Variants in DNASE1 observed in about 807,000 individuals in gnomAD.
The protein encoded by DNASE1 is deoxyribonuclease-1.
A neutral mutation model predicts 33.9 loss-of-function variants in DNASE1; 40 were observed. The ratio of observed to expected loss-of-function variants is 1.18; its 90% confidence interval spans 0.92 to 1.54. The LOEUF is 1.54. Among genes scored for constraint, DNASE1 ranks in the 40% most tolerant of loss-of-function variants. DNASE1 has a pLI of 0.00. For missense variants in DNASE1, 518 were observed against 372.6 expected (o/e 1.39, Z -3.21); for synonymous variants, 216 against 160.0 (o/e 1.35, Z -2.64).
At chr16:3,616,220 G>C (rs539498421) in intron 1 of DNASE1, among the ~76,000 whole-genome samples, 1 of 152,128 alleles carries the variant, frequency 6.6e-6, no homozygotes, top group African/African-American at 2.4e-5. Context: ...TTTAAGGGAG[G>C]TTTCAGACAG....
intron 1 of DNASE1, among the ~76,000 whole-genome samples, chr16:3,634,542 G>T (rs1223224099): frequency 6.6e-6 from 1 of 151,858 alleles, no homozygotes; most frequent in African/African-American, 2.4e-5. Flanking sequence ...CAGGGTCTTG[G>T]TCTGTCGTCC....
chr16:3,637,960 C>T (rs988960617), upstream of DNASE1, among the ~76,000 whole-genome samples: 3 of 152,166 alleles, frequency 2.0e-5, no homozygotes, highest in Admixed American at 1.3e-4. Context: ...GGTTGTTTGC[C>T]AGTTCAGTGT....
At chr16:3,650,617 A>AAAG, upstream of DNASE1, 1 of 147,412 alleles carries the variant, frequency 6.8e-6, no homozygotes, top group South Asian at 2.2e-4. Flanking sequence ...AAAAAAAAAA[A>AAAG]AAAGAAAAGA....
Position 3,621,356 on chromosome 16 carries a change from C to T in DNASE1, c.-1359+9350C>T, listed in dbSNP as rs781007507. Among the ~76,000 whole-genome samples the T allele has an allele frequency of 4.6e-5, 7 of 152,192 alleles. No individual in the cohort carries two copies. The East Asian group carries it at 5.8e-4, about 13-fold the overall frequency. On this transcript the variant is annotated intron_variant and NMD_transcript_variant, in intron 1 of 11. Transcript: ENST00000570769. ...CCTGCCTCCAAAAGTGCTGGGTTTA[C>T]AGGTATGAGCCATTGCTCTTGCCTG...
intron 1 of DNASE1, among the ~76,000 whole-genome samples, chr16:3,644,583 A>G (rs144949418): frequency 1.3e-5 from 2 of 152,128 alleles, no homozygotes; most frequent in Non-Finnish European, 2.9e-5. Flanking sequence ...AGATTTTACA[A>G]AATTAGCCGG....
At chr16:3,628,266 A>G (rs2041583767) in intron 1 of DNASE1, among the ~76,000 whole-genome samples, 1 of 152,076 alleles carries the variant, frequency 6.6e-6, no homozygotes, top group South Asian at 2.1e-4. Flanking sequence ...AGAAATGCAA[A>G]TGATTTTTGT....
At chr16:3,638,486 C>T (rs540082870), upstream of DNASE1, among the ~76,000 whole-genome samples, 47 of 152,212 alleles carry the variant, frequency 3.1e-4, no homozygotes, top group Non-Finnish European at 5.7e-4. Flanking sequence ...TACAGGCGCC[C>T]GCCACCACAC....
chr16:3,659,749 T>TTTAGATAGACAGA (rs1272532360), downstream of DNASE1: 2 of 140,244 alleles, frequency 1.4e-5, no homozygotes, highest in Non-Finnish European at 3.2e-5. Flanking sequence ...ACTTTTTTTT[T>TTTAGATAGACAGA]TAGATAGATA....
At chr16:3,663,516 AG>A (rs762922223) in exon 10 of DNASE1, 4 of 1,614,088 alleles carry the variant, frequency 2.5e-6, no homozygotes, top group Admixed American at 1.7e-5. Flanking sequence ...AAACTCACGA[AG>A]GTGCAGCAGG....
At chr16:3,658,390 G>A, downstream of DNASE1, 1 of 655,816 alleles carries the variant, frequency 1.5e-6, no homozygotes. Flanking sequence ...AAAGTGCTGG[G>A]ATTACAGGCG....
At chr16:3,663,726 G>A in exon 10 of DNASE1, 4 of 799,528 alleles carry the variant, frequency 5.0e-6, no homozygotes, top group Non-Finnish European at 7.7e-6. Context: ...TACGACACCT[G>A]GGTCTAAGGA....
At chr16:3,660,689 C>T (rs528799501), downstream of DNASE1, 89 of 152,262 alleles carry the variant, frequency 5.8e-4, no homozygotes, top group African/African-American at 1.9e-3. Context: ...GATGCATCTC[C>T]CTCGCCTCCA....
In DNASE1 at chr16:3,657,228, T is replaced by C. The variant is rs1409291384; in HGVS notation, c.591T>C (p.Tyr197=). The C allele has an allele frequency of 2.5e-6, 4 of 1,613,920 alleles. No homozygotes were observed. Among genetic ancestry groups the C allele is most frequent in the South Asian group, 1.1e-5 (1 of 91,090 alleles). Residue 197 remains tyrosine, a synonymous_variant, in exon 7 of 9, where the codon TAT becomes TAC. Coordinates refer to ENST00000246949, the MANE Select transcript of DNASE1 (RefSeq NM_005223.4). ...GCGACTTCAATGCGGGCTGCAGCTA[T>C]GTGAGACCCTCCCAGTGGTCATCCA... The part of the protein sequence containing the change: ...LMGDFNAGCS[Y]VRPSQWSSIR...
rs1376041405 is a variant in DNASE1 at position 3,664,336 on chromosome 16, G to A, written c.*6383G>A. 2.5e-6 allele frequency: 4 copies of A among 1,612,914 alleles called. No homozygotes were observed. Among genetic ancestry groups the A allele is most frequent in the Non-Finnish European group, 3.4e-6 (4 of 1,179,632 alleles). On this transcript the variant is annotated 3_prime_UTR_variant, in exon 10 of 10. Coordinates refer to the DNASE1 transcript ENST00000407479. Reference sequence around the variant, plus strand: ...GAGTGCTCTGCCAGGTGACGGTTGGGGGCGCACAGGTAGTAGATGTTGCGG... The same window carrying A: ...GAGTGCTCTGCCAGGTGACGGTTGGAGGCGCACAGGTAGTAGATGTTGCGG...
downstream of DNASE1, chr16:3,662,088 C>T (rs906258460): frequency 3.1e-6 from 5 of 1,613,334 alleles, no homozygotes; most frequent in Non-Finnish European, 4.2e-6. Context: ...CCCCCATCTC[C>T]AGCACGGTGA....
Position 3,658,023 on chromosome 16 carries a change from A to G in DNASE1, c.*70A>G. ...ATCCTGCCACAGGACCCAGAAAAAA[A>G]GCCCAACACACACTCGGGTTAAGAA... On this transcript the variant is annotated 3_prime_UTR_variant, in exon 9 of 9. Transcript: ENST00000246949. 6.2e-7 allele frequency: 1 copy of G among 1,610,808 alleles called. No homozygotes were observed. The highest frequency in any genetic ancestry group is 8.5e-7 in the Non-Finnish European group (1 of 1,178,170).
upstream of DNASE1, chr16:3,653,144 A>T (rs185968354): frequency 1.3e-5 from 2 of 152,330 alleles, no homozygotes; most frequent in East Asian, 3.9e-4. Context: ...GCAGGTGCAC[A>T]GATCTTAAGA....
chr16:3,641,116 G>T (rs968489027), upstream of DNASE1: 3 of 396,652 alleles, frequency 7.6e-6, no homozygotes, highest in Non-Finnish European at 1.3e-5. Flanking sequence ...CTGTGGCAGG[G>T]TGGCTAGTGG....
Position 3,656,093 on chromosome 16 carries a change from TC to T in DNASE1, c.237-8del. 1 of 1,614,030 alleles carries T rather than the reference TC, an allele frequency of 6.2e-7. No homozygotes were observed. Among genetic ancestry groups the T allele is most frequent in the Non-Finnish European group, 8.5e-7 (1 of 1,179,992 alleles). On this transcript the variant is annotated splice_region_variant and splice_polypyrimidine_tract_variant and intron_variant, in intron 3 of 8. Transcript: ENST00000246949. ...CCCGCCACTGGGACCTTTTGTTTCT[TC>T]AATCCAGGGATGCACCAGACACCTA...
Sources: allele counts gnomAD v4.1 joint callset (sites outside exome capture counted in the v4.1 genomes callset), GRCh38; gene constraint gnomAD v4.1.1; transcripts MANE v1.5; gene names NCBI Gene and HGNC (gene_info 2026-07-23, HGNC 2026-07-21).